COQ8B: variants seen among roughly 807,000 people sequenced by gnomAD.
COQ8B encodes the protein atypical kinase COQ8B, mitochondrial.
A neutral mutation model predicts 62.0 loss-of-function variants in COQ8B; 44 were observed. That is an observed-to-expected ratio of 0.71 (90% CI 0.56 to 0.91). The LOEUF is 0.91. Among genes scored for constraint, COQ8B ranks in the 40% least tolerant of loss-of-function variants. COQ8B has a pLI of 0.00. For synonymous variants in COQ8B, 252 were observed against 289.9 expected, an observed-to-expected ratio of 0.87 and a Z score of 1.33; for missense variants, 649 against 731.6, an observed-to-expected ratio of 0.89 and a Z score of 1.30.
intron 10 of COQ8B, among the ~76,000 whole-genome samples, chr19:40,701,890 T>G (rs1325448896): frequency 6.6e-6 from 1 of 152,220 alleles, no homozygotes; most frequent in African/African-American, 2.4e-5. Context: ...TGCCATTAAT[T>G]GCTACACATC....
At chr19:40,716,094 C>T (rs1216078176) in intron 1 of COQ8B, 1 of 152,234 alleles carries the variant, frequency 6.6e-6, no homozygotes, top group African/African-American at 2.4e-5. Flanking sequence ...AGCCCTCATC[C>T]CTCTCTGGAC....
At chr19:40,705,554 T>C in intron 5 of COQ8B, 107 bp from the exon 6 acceptor site, 1 of 1,297,864 alleles carries the variant, frequency 7.7e-7, no homozygotes, top group Non-Finnish European at 1.0e-6. Flanking sequence ...CCAGGCGGGA[T>C]GAACACAGGA....
intron 12 of COQ8B, among the ~76,000 whole-genome samples, chr19:40,699,094 A>G (rs1445012689): frequency 6.7e-6 from 1 of 149,812 alleles, no homozygotes; most frequent in Non-Finnish European, 1.5e-5. Flanking sequence ...AATTACAGGC[A>G]TGAGCCACCA....
At chr19:40,707,078 G>A (rs966857806) in intron 5 of COQ8B, among the ~76,000 whole-genome samples, 2 of 152,032 alleles carry the variant, frequency 1.3e-5, no homozygotes, top group African/African-American at 4.8e-5. Flanking sequence ...AGACCAGCCT[G>A]GGCAATATGG....
chr19:40,715,647 C>A (rs574007764), intron 1 of COQ8B: 2 of 977,780 alleles, frequency 2.0e-6, no homozygotes, highest in Non-Finnish European at 2.4e-6. Context: ...ACCCTCCCCC[C>A]CACTTGCACA....
In COQ8B at chr19:40,692,323, G is replaced by A. The variant is rs142420160; in HGVS notation, c.1347C>T (p.Phe449=). The A allele has an allele frequency of 7.1e-4, 1,138 of 1,613,756 alleles. 6 individuals are homozygous for A. The African/African-American group carries it at 0.013, about 19-fold the overall frequency. The part of the protein sequence containing the change: ...VEAVMILGEP[F]ATQGPYDFGS... ...CAAAGTCATAAGGGCCCTGGGTGGC[G>A]AAAGGCTCCCCCAGGATCATCACTG... The change falls in exon 15 of 15, where the codon TTC becomes TTT. Residue 449 remains phenylalanine, a synonymous_variant. Coordinates refer to ENST00000324464, the MANE Select transcript of COQ8B (RefSeq NM_024876.4).
chr19:40,696,172 T>C, intron 12 of COQ8B, 118 bp from the exon 13 acceptor site: 1 of 1,113,646 alleles, frequency 9.0e-7, no homozygotes. Context: ...CCAGAGTCCC[T>C]GCCTGGCTGC....
intron 12 of COQ8B, among the ~76,000 whole-genome samples, chr19:40,698,997 CTTT>C (rs34684819): frequency 4.2e-5 from 6 of 144,224 alleles, no homozygotes; most frequent in Non-Finnish European, 6.1e-5. Context: ...CCATCTCAGC[CTTT>C]TTTTTTTTTT....
chr19:40,716,357 C>T (rs1468219089), intron 1 of COQ8B, among the ~76,000 whole-genome samples: 1 of 152,154 alleles, frequency 6.6e-6, no homozygotes, highest in Non-Finnish European at 1.5e-5. Context: ...TCCTACTGGG[C>T]TACAACTGAC....
At chr19:40,710,182 C>A in intron 4 of COQ8B, 46 bp from the exon 5 acceptor site, 1 of 1,571,674 alleles carries the variant, frequency 6.4e-7, no homozygotes, top group Non-Finnish European at 8.8e-7. Context: ...CCTGGGGTGC[C>A]CCCAGCCTAA....
intron 13 of COQ8B, among the ~76,000 whole-genome samples, chr19:40,695,389 G>C (rs1476945854): frequency 6.6e-6 from 1 of 151,852 alleles, no homozygotes; most frequent in African/African-American, 2.4e-5. Flanking sequence ...CATGATTAGA[G>C]GACCCAGGGC....
At chr19:40,701,153 C>A (rs899413741) in intron 10 of COQ8B, 2 of 152,190 alleles carry the variant, frequency 1.3e-5, no homozygotes, top group African/African-American at 4.8e-5. Context: ...CATGGTGAAA[C>A]CTCGTCTTTA....
intron 6 of COQ8B, 71 bp from the exon 7 acceptor site, chr19:40,705,252 G>A: frequency 6.3e-7 from 1 of 1,591,434 alleles, no homozygotes; most frequent in African/African-American, 1.3e-5. Context: ...AGTATCTGAA[G>A]TTGGGGCCTG....
At chr19:40,715,205 GGGCCAGAGAGA>G in intron 1 of COQ8B, 1 of 985,066 alleles carries the variant, frequency 1.0e-6, no homozygotes, top group Non-Finnish European at 1.2e-6. Flanking sequence ...GCGGGGGAAG[GGGCCAGAGAGA>G]GGCCCTAGCG....
intron 13 of COQ8B, among the ~76,000 whole-genome samples, chr19:40,694,240 A>G (rs759909180): frequency 2.6e-5 from 4 of 152,180 alleles, no homozygotes; most frequent in Non-Finnish European, 5.9e-5. Context: ...GCTCCCATGG[A>G]CTGCCAGCTG....
chr19:40,704,006 G>A lies in COQ8B; in HGVS notation c.577-151C>T, dbSNP rs778721832. 2.2e-5 allele frequency: 23 copies of A among 1,052,122 alleles called. No homozygotes were observed. The Middle Eastern group carries it at 1.4e-3, about 65-fold the overall frequency. The allele number at this position is 1,052,122 out of a possible 1,614,324, so 65.2% of individuals were successfully genotyped here. On this transcript the variant is annotated intron_variant, in intron 7 of 14. Transcript: ENST00000324464. ...CCCCTTTGCAGATGAGGAAACTGAG[G>A]CTCAGAGAGAGCTCCCTTGTGCAAG...
In COQ8B at chr19:40,700,464, G is replaced by T. The variant is rs1403938288; in HGVS notation, c.894-13C>A. 6.2e-7 allele frequency: 1 copy of T among 1,611,324 alleles called. No homozygotes were observed. Among genetic ancestry groups the T allele is most frequent in the Non-Finnish European group, 8.5e-7 (1 of 1,179,026 alleles). Reference sequence around the variant, plus strand: ...TGCCAGCAGCTGCCTGGGGCAGAAGGAAAGGGAGGAAGGGGACTTCGTGCT... The same window carrying T: ...TGCCAGCAGCTGCCTGGGGCAGAAGTAAAGGGAGGAAGGGGACTTCGTGCT... On this transcript the variant is annotated splice_polypyrimidine_tract_variant and intron_variant, in intron 10 of 14. Transcript: ENST00000324464.
rs757967541 is a variant in COQ8B, at chr19:40,714,067, C to T, written c.289G>A (p.Gly97Arg). The change falls in exon 4 of 15, where the codon GGA becomes AGA. Residue 97 changes from glycine to arginine, a missense_variant and splice_region_variant. Physicochemically the swap from Gly to Arg is moderately radical, Grantham distance 125. Coordinates refer to ENST00000324464, the MANE Select transcript of COQ8B (RefSeq NM_024876.4). ...SRISRLANFG[G>R]LAVGLGLGVL... ...CAAGATCCCCCAAAGTCACACCTAC[C>T]CCCAAAGTTGGCCAAGCGGCTGATG... The T allele has an allele frequency of 1.5e-5, 24 of 1,613,948 alleles. No homozygotes were observed. Among genetic ancestry groups the T allele is most frequent in the South Asian group, 2.2e-5 (2 of 91,074 alleles).
chr19:40,702,245 G>A (rs2082065899), intron 10 of COQ8B, among the ~76,000 whole-genome samples: 2 of 152,192 alleles, frequency 1.3e-5, no homozygotes, highest in Non-Finnish European at 2.9e-5. Context: ...GGGATGCTGT[G>A]GAGCCCACTC....
Sources: gnomAD v4.1 joint callset for allele counts (sites outside exome capture counted in the v4.1 genomes callset) on GRCh38, gnomAD v4.1.1 for gene constraint, MANE v1.5 for transcripts, NCBI Gene and HGNC (gene_info 2026-07-23, HGNC 2026-07-21) for gene names.